Variants in ABCC9 observed in about 807,000 individuals in gnomAD.
ABCC9 encodes ATP binding cassette subfamily C member 9, also known as ATP-binding cassette sub-family C member 9.
In ABCC9, 95 loss-of-function variants were observed where a neutral mutation model predicts 188.3. That is an observed-to-expected ratio of 0.50 (90% CI 0.43 to 0.60). ABCC9 has a LOEUF of 0.60. Ranked by LOEUF, ABCC9 falls within the 20% of genes least tolerant of loss-of-function variation. The pLI is 0.00. For missense variants in ABCC9, 1,102 were observed against 1,876.3 expected (o/e 0.59, Z 7.62); for synonymous variants, 659 against 652.7 (o/e 1.01, Z -0.15).
At chr12:21,818,526 ATGTGTGTGTGTG>A (rs71053348) in intron 31 of ABCC9, among the ~76,000 whole-genome samples, 22 of 136,444 alleles carry the variant, frequency 1.6e-4, no homozygotes, top group African/African-American at 2.8e-4. Flanking sequence ...ATATATATAT[ATGTGTGTGTGTG>A]TGTGTGTGTG....
intron 18 of ABCC9, among the ~76,000 whole-genome samples, chr12:21,869,118 C>T (rs1945932506): frequency 6.6e-6 from 1 of 152,150 alleles, no homozygotes; most frequent in South Asian, 2.1e-4. Flanking sequence ...CCAACTTAAA[C>T]ATTTTTGAAG....
chr12:21,859,258 G>T (rs1470478136), intron 22 of ABCC9, among the ~76,000 whole-genome samples: 1 of 151,762 alleles, frequency 6.6e-6, no homozygotes, highest in Non-Finnish European at 1.5e-5. Flanking sequence ...TTTTTTCTTT[G>T]CCATCAAATA....
In ABCC9 at chr12:21,915,775, A is replaced by T; in HGVS notation, c.709T>A (p.Ser237Thr). The T allele has an allele frequency of 1.2e-6, 2 of 1,613,308 alleles. No homozygotes were observed. Among genetic ancestry groups the T allele is most frequent in the Non-Finnish European group, 1.7e-6 (2 of 1,179,768 alleles). The change falls in exon 7 of 40, where the codon TCT (serine) becomes ACT (threonine). Residue 237 changes from serine to threonine, a missense_variant. By Grantham distance (58) the Ser-to-Thr change is moderately conservative. Coordinates refer to ENST00000261200, the MANE Select transcript of ABCC9 (RefSeq NM_020297.4). ...AGATCAATAGGCTTTTTGTGAGCAG[A>T]TATAATAAGTGTGTTCATCCACCAG... is the stretch of plus-strand genomic sequence containing the variant. Reference protein sequence around the residue: ...TYWWMNTLIISAHKKPIDLKA... With the variant: ...TYWWMNTLIITAHKKPIDLKA...
intron 24 of ABCC9, among the ~76,000 whole-genome samples, chr12:21,850,241 G>A (rs1046395137): frequency 6.6e-6 from 1 of 151,492 alleles, no homozygotes; most frequent in Non-Finnish European, 1.5e-5. Context: ...GGGAAAATTG[G>A]CCCAGGTTGA....
intron 33 of ABCC9, among the ~76,000 whole-genome samples, 154 bp from the exon 34 acceptor site, chr12:21,816,047 T>G (rs981495231): frequency 7.3e-5 from 4 of 54,694 alleles, no homozygotes; most frequent in Admixed American, 2.0e-4. Flanking sequence ...TTTTTTTTTT[T>G]TTTTTTTTTT....
chr12:21,822,339 G>C (rs1187164250), intron 31 of ABCC9, among the ~76,000 whole-genome samples: 1 of 151,044 alleles, frequency 6.6e-6, no homozygotes, highest in Non-Finnish European at 1.5e-5. Flanking sequence ...TAAAGTACTG[G>C]AAATATTTTA....
Position 21,844,775 on chromosome 12 carries a change from T to G in ABCC9, c.3237A>C (p.Gly1079=). ...AATAACCACTGTTTTACCTTATTGG[T>G]CCAAGGATTATCTTATTGAGAAGGT... ...HHNLLNKIIL[G]PIRFFDTTPL... The change falls in exon 27 of 40, where the codon GGA becomes GGC. Residue 1079 remains glycine, a synonymous_variant. Coordinates refer to ENST00000261200, the MANE Select transcript of ABCC9 (RefSeq NM_020297.4). 1 of 1,613,930 alleles carries G rather than the reference T, an allele frequency of 6.2e-7. No individual in the cohort carries two copies. The highest frequency in any genetic ancestry group is 8.5e-7 in the Non-Finnish European group (1 of 1,179,834).
intron 5 of ABCC9, chr12:21,923,634 T>G (rs1948925560): frequency 1.8e-6 from 1 of 544,532 alleles, no homozygotes; most frequent in African/African-American, 1.9e-5. Context: ...CACCAAATGA[T>G]GAACATGTGG....
intron 34 of ABCC9, 85 bp from the exon 35 acceptor site, chr12:21,814,807 AT>A: frequency 9.6e-7 from 1 of 1,043,994 alleles, no homozygotes; most frequent in South Asian, 1.3e-5. Context: ...AACTTAAGAT[AT>A]TATGATAAAA....
In ABCC9 at chr12:21,910,916, G is replaced by GAGAAGAACTGCTAGAAC. The variant is rs2137875677; in HGVS notation, c.1057_1073dup (p.Leu360Ter). The GAGAAGAACTGCTAGAAC allele has an allele frequency of 6.2e-7, 1 of 1,612,676 alleles. No homozygotes were observed. The highest frequency in any genetic ancestry group is 8.5e-7 in the Non-Finnish European group (1 of 1,178,990). ...TCCTTTGCAGAATAAGAGCCAAGAA[G>GAGAAGAACTGCTAGAAC]AGAAGAACTGCTAGAACGTAAGCGT... On this transcript the variant is annotated stop_gained and frameshift_variant, in exon 9 of 40. Coordinates refer to ENST00000261200, the MANE Select transcript of ABCC9 (RefSeq NM_020297.4). LOFTEE classifies it high-confidence loss of function.
rs1300247369 is a variant in ABCC9 at position 21,802,369 on chromosome 12, A to G, written c.4513-1188T>C. Among the ~76,000 whole-genome samples the G allele has an allele frequency of 2.0e-5, 3 of 152,062 alleles. No homozygotes were observed. The East Asian group carries it at 5.8e-4, about 29-fold the overall frequency. On this transcript the variant is annotated intron_variant, in intron 39 of 39. Transcript: ENST00000261200. The stretch of plus-strand genomic sequence containing the variant: ...GTGATGGGCTTTTACTCTTGCTAAG[A>G]TCAGTATTGTTCAATAGAAGTATAA...
At chr12:21,877,033 G>A (rs759142061) in intron 16 of ABCC9, among the ~76,000 whole-genome samples, 2 of 152,136 alleles carry the variant, frequency 1.3e-5, no homozygotes, top group Non-Finnish European at 1.5e-5. Flanking sequence ...AAGGAGGGTC[G>A]CATGGAAGGG....
At chr12:21,858,302 A>C (rs1592085824) in intron 22 of ABCC9, among the ~76,000 whole-genome samples, 1 of 152,202 alleles carries the variant, frequency 6.6e-6, no homozygotes. Context: ...GGCTGGGCAC[A>C]GTGGCTCACA....
At chr12:21,925,284 C>A in intron 5 of ABCC9, 1 of 491,488 alleles carries the variant, frequency 2.0e-6, no homozygotes, top group Non-Finnish European at 3.6e-6. Flanking sequence ...TGACCCAAGG[C>A]AAAAATAAAA....
chr12:21,801,577 G>A (rs1231926155), intron 39 of ABCC9, among the ~76,000 whole-genome samples: 1 of 152,060 alleles, frequency 6.6e-6, no homozygotes, highest in Non-Finnish European at 1.5e-5. Flanking sequence ...AATTATTTGG[G>A]CTATAACACA....
intron 14 of ABCC9, among the ~76,000 whole-genome samples, chr12:21,890,161 T>C (rs1947080764): frequency 6.6e-6 from 1 of 152,176 alleles, no homozygotes; most frequent in Non-Finnish European, 1.5e-5. Flanking sequence ...AAAACAATTA[T>C]GGAAAATGCA....
chr12:21,899,676 C>T (rs1167465156), intron 12 of ABCC9, among the ~76,000 whole-genome samples: 1 of 152,204 alleles, frequency 6.6e-6, no homozygotes, highest in African/African-American at 2.4e-5. Context: ...CCACGCCTGG[C>T]TCGGAGGGTC....
rs1215717594 is a variant in ABCC9 at position 21,861,408 on chromosome 12, T to C, written c.2340-353A>G. 2.6e-5 allele frequency among the ~76,000 whole-genome samples: 4 copies of C among 152,132 alleles called. No individual in the cohort carries two copies. The East Asian group carries it at 7.8e-4, about 29-fold the overall frequency. On this transcript the variant is annotated intron_variant, in intron 20 of 39. Coordinates refer to ENST00000261200, the MANE Select transcript of ABCC9 (RefSeq NM_020297.4). ...ACCATACCCAGCTAATTATTTTGCA[T>C]TTTAGTAGAGACAGGGTTTCACCAT...
intron 16 of ABCC9, among the ~76,000 whole-genome samples, chr12:21,879,901 G>A (rs1037847596): frequency 4.0e-5 from 6 of 151,806 alleles, no homozygotes; most frequent in South Asian, 2.1e-4. Context: ...GTCAATGTTC[G>A]TTAGAAAGCT....
Sources: allele counts gnomAD v4.1 joint callset (sites outside exome capture counted in the v4.1 genomes callset), GRCh38; gene constraint gnomAD v4.1.1; transcripts MANE v1.5; gene names NCBI Gene and HGNC (gene_info 2026-07-23, HGNC 2026-07-21).